The following AKR1C8 variants were observed in gnomAD, a reference collection of about 807,000 sequenced individuals.
The protein encoded by AKR1C8 is aldo-keto reductase family 1 member C-like protein 1.
chr10:5,130,000 A>T, the AKR1C8 span, among the ~76,000 whole-genome samples: 1 of 152,012 alleles, frequency 6.6e-6, no homozygotes, highest in Non-Finnish European at 1.5e-5. Context: ...CCTGGTGAAC[A>T]TAGATTAAAA....
chr10:5,142,679 A>G, the AKR1C8 span, among the ~76,000 whole-genome samples: 37 of 152,264 alleles, frequency 2.4e-4, 1 homozygote, highest in African/African-American at 7.9e-4. Flanking sequence ...ACAATTATCT[A>G]TTGCATTCAC....
At chr10:5,185,107 C>A in the AKR1C8 span, 1 of 534,712 alleles carries the variant, frequency 1.9e-6, no homozygotes, top group Admixed American at 1.9e-5. Flanking sequence ...GTCATCATCC[C>A]CAGCTAACCT....
chr10:5,137,247 G>T, the AKR1C8 span, among the ~76,000 whole-genome samples: 1 of 151,964 alleles, frequency 6.6e-6, no homozygotes, highest in African/African-American at 2.4e-5. Flanking sequence ...TGATGCAGAA[G>T]ACAGAGGCCA....
At chr10:5,159,229 C>T in the AKR1C8 span, among the ~76,000 whole-genome samples, 148 of 152,238 alleles carry the variant, frequency 9.7e-4, 1 homozygote, top group South Asian at 0.012. Context: ...TTCATAAATT[C>T]GCATGGCATT....
chr10:5,176,062 T>C, the AKR1C8 span, among the ~76,000 whole-genome samples: 21 of 151,926 alleles, frequency 1.4e-4, no homozygotes, highest in African/African-American at 4.8e-4. Flanking sequence ...CATGCCTATG[T>C]CCTGAATGGT....
chr10:5,119,572 C>T, the AKR1C8 span, among the ~76,000 whole-genome samples: 1 of 152,132 alleles, frequency 6.6e-6, no homozygotes, highest in Non-Finnish European at 1.5e-5. Flanking sequence ...TATTTATGCA[C>T]ACTTTTTAAT....
At chr10:5,176,481 G>A in the AKR1C8 span, among the ~76,000 whole-genome samples, 5 of 150,122 alleles carry the variant, frequency 3.3e-5, no homozygotes, top group Admixed American at 6.7e-5. Context: ...GGTTCCATAC[G>A]AACTTTAAAG....
the AKR1C8 span, among the ~76,000 whole-genome samples, chr10:5,151,678 T>G: frequency 6.6e-6 from 1 of 151,114 alleles, no homozygotes; most frequent in East Asian, 2.0e-4. Flanking sequence ...TACCTCAGCC[T>G]CCTAAGTAGC....
the AKR1C8 span, among the ~76,000 whole-genome samples, chr10:5,138,986 A>G: frequency 6.6e-6 from 1 of 152,210 alleles, no homozygotes. Flanking sequence ...TCAATGAGCA[A>G]AAATCACAAG....
the AKR1C8 span, chr10:5,154,406 G>T: frequency 4.5e-6 from 1 of 221,802 alleles, no homozygotes; most frequent in Non-Finnish European, 9.6e-6. Flanking sequence ...AAAGATACTT[G>T]TTAGTAATTA....
chr10:5,124,662 A>G, the AKR1C8 span, among the ~76,000 whole-genome samples: 4 of 152,296 alleles, frequency 2.6e-5, no homozygotes, highest in East Asian at 3.9e-4. Context: ...AAATTAAAAC[A>G]TCATTGCTAT....
chr10:5,133,181 C>G, the AKR1C8 span, among the ~76,000 whole-genome samples: 1 of 152,174 alleles, frequency 6.6e-6, no homozygotes, highest in Non-Finnish European at 1.5e-5. Context: ...CCCTCCCCCA[C>G]TTCATCTCGG....
the AKR1C8 span, among the ~76,000 whole-genome samples, chr10:5,115,969 A>G: frequency 4.6e-5 from 7 of 152,080 alleles, no homozygotes; most frequent in Non-Finnish European, 1.0e-4. Flanking sequence ...ATGCATACCT[A>G]TGTATACCTG....
chr10:5,178,335 G>A, the AKR1C8 span, among the ~76,000 whole-genome samples: 8 of 152,274 alleles, frequency 5.3e-5, no homozygotes, highest in African/African-American at 1.9e-4. Flanking sequence ...TTGCACTGTG[G>A]TCTGAGAGAC....
At chr10:5,164,136 ACTCT>A in the AKR1C8 span, among the ~76,000 whole-genome samples, 1 of 151,540 alleles carries the variant, frequency 6.6e-6, no homozygotes, top group Non-Finnish European at 1.5e-5. Context: ...TTTTACTCCA[ACTCT>A]CTATTAGTCT....
the AKR1C8 span, among the ~76,000 whole-genome samples, chr10:5,175,508 G>C: frequency 6.6e-6 from 1 of 152,138 alleles, no homozygotes; most frequent in Non-Finnish European, 1.5e-5. Context: ...GGATGGCTAG[G>C]TCAAATGGTA....
chr10:5,148,647 G>T, the AKR1C8 span, among the ~76,000 whole-genome samples: 2 of 152,088 alleles, frequency 1.3e-5, no homozygotes, highest in African/African-American at 4.8e-5. Context: ...AAACAAAGCA[G>T]TAGGGAAAAA....
chr10:5,123,409 C>G, the AKR1C8 span: 1 of 363,706 alleles, frequency 2.7e-6, no homozygotes, highest in Non-Finnish European at 5.3e-6. Flanking sequence ...TAACTGGGTC[C>G]TCCAAAAGAA....
chr10:5,151,691 G>A, the AKR1C8 span, among the ~76,000 whole-genome samples: 1 of 151,598 alleles, frequency 6.6e-6, no homozygotes, highest in Admixed American at 6.6e-5. Context: ...TAAGTAGCTG[G>A]GATTACAGGC....
Sources: gnomAD v4.1 joint callset for allele counts (sites outside exome capture counted in the v4.1 genomes callset) on GRCh38, gnomAD v4.1.1 for gene constraint, MANE v1.5 for transcripts, NCBI Gene and HGNC (gene_info 2026-07-23, HGNC 2026-07-21) for gene names.